ROBO2: variants seen among roughly 807,000 people sequenced by gnomAD.
ROBO2 encodes the protein roundabout homolog 2.
A neutral mutation model predicts 160.8 loss-of-function variants in ROBO2; 53 were observed. The observed-to-expected ratio is 0.33, with a 90% confidence interval of 0.26 to 0.41. ROBO2 has a LOEUF of 0.41. Ranked by LOEUF, ROBO2 falls within the 10% of genes least tolerant of loss-of-function variation. The probability of loss-of-function intolerance (pLI) is 1.00; values close to 1 mark genes in which losing one functional copy is unlikely to be tolerated. For missense variants in ROBO2, 1,577 were observed against 1,722.4 expected (o/e 0.92, Z 1.49); for synonymous variants, 664 against 611.7 (o/e 1.09, Z -1.26).
chr3:76,528,992 A>G (rs985374263), intron 2 of ROBO2, among the ~76,000 whole-genome samples: 2 of 152,142 alleles, frequency 1.3e-5, no homozygotes, highest in African/African-American at 4.8e-5. Flanking sequence ...TACAACATGA[A>G]GTTCACTGGT....
At chr3:76,934,250 A>T (rs566916846) in intron 2 of ROBO2, among the ~76,000 whole-genome samples, 1 of 152,270 alleles carries the variant, frequency 6.6e-6, no homozygotes, top group Non-Finnish European at 1.5e-5. Flanking sequence ...GGTACAAAAC[A>T]AATTTTTACA....
intron 2 of ROBO2, among the ~76,000 whole-genome samples, chr3:76,646,330 G>C (rs981451373): frequency 2.6e-5 from 4 of 152,268 alleles, no homozygotes; most frequent in African/African-American, 9.6e-5. Context: ...CGAAAAGAAG[G>C]TTACTGAGAG....
Position 75,958,877 on chromosome 3 carries a change from A to G in ROBO2, c.109+21275A>G, listed in dbSNP as rs140341032. The stretch of plus-strand genomic sequence containing the variant: ...TAACTTTGAGTTAAATGGCCTCAAC[A>G]TTTTGTGATGCTTTTCCCTCTTATA... On this transcript the variant is annotated intron_variant, in intron 2 of 26. Coordinates refer to the ROBO2 transcript ENST00000487694. Among the ~76,000 whole-genome samples the G allele has an allele frequency of 2.0e-3, 298 of 151,850 alleles. 2 individuals carry two copies. The highest frequency in any genetic ancestry group is 3.1e-3 in the Non-Finnish European group (209 of 67,810).
intron 2 of ROBO2, among the ~76,000 whole-genome samples, chr3:75,970,713 G>A (rs1270548666): frequency 6.6e-6 from 1 of 151,326 alleles, no homozygotes; most frequent in Non-Finnish European, 1.5e-5. Flanking sequence ...CAAGTTTGAA[G>A]CACACATTCT....
intron 2 of ROBO2, among the ~76,000 whole-genome samples, chr3:76,684,308 GA>G (rs2092638888): frequency 6.6e-6 from 1 of 152,054 alleles, no homozygotes; most frequent in African/African-American, 2.4e-5. Context: ...GCTGTAAGGT[GA>G]AAAAAGTGTC....
chr3:76,783,239 A>G (rs1366172897), intron 2 of ROBO2, among the ~76,000 whole-genome samples: 1 of 150,948 alleles, frequency 6.6e-6, no homozygotes, highest in Non-Finnish European at 1.5e-5. Flanking sequence ...TAATTACTGT[A>G]GCCATAACTA....
intron 2 of ROBO2, among the ~76,000 whole-genome samples, chr3:77,312,286 C>A: frequency 6.6e-6 from 1 of 152,086 alleles, no homozygotes; most frequent in East Asian, 1.9e-4. Context: ...AGACAACTTT[C>A]AAAACAACCA....
chr3:77,012,536 G>A (rs973961004), intron 2 of ROBO2, among the ~76,000 whole-genome samples: 1 of 152,178 alleles, frequency 6.6e-6, no homozygotes, highest in African/African-American at 2.4e-5. Context: ...ACTTGATGAT[G>A]AGAATATCAG....
chr3:76,141,060 CATATAT>C (rs55691222), intron 2 of ROBO2, among the ~76,000 whole-genome samples: 1 of 53,578 alleles, frequency 1.9e-5, no homozygotes, highest in Non-Finnish European at 3.5e-5. Flanking sequence ...TTTTTACATA[CATATAT>C]ATATATATAT....
intron 2 of ROBO2, among the ~76,000 whole-genome samples, chr3:76,565,473 G>A (rs887585604): frequency 3.3e-5 from 5 of 152,088 alleles, no homozygotes; most frequent in African/African-American, 7.2e-5. Context: ...GTTTTATGGC[G>A]TCAAGTTTAG....
intron 2 of ROBO2, among the ~76,000 whole-genome samples, chr3:76,454,165 T>C (rs867292146): frequency 2.6e-5 from 4 of 152,190 alleles, no homozygotes; most frequent in African/African-American, 7.2e-5. Context: ...GATCAAATCC[T>C]GGGAATCCAG....
chr3:76,761,896 T>C (rs1003865650), intron 2 of ROBO2, among the ~76,000 whole-genome samples: 2 of 151,780 alleles, frequency 1.3e-5, no homozygotes, highest in Non-Finnish European at 2.9e-5. Flanking sequence ...ATTGTATTTC[T>C]GGTACCCAGT....
chr3:77,185,882 C>A (rs1307793138), intron 2 of ROBO2, among the ~76,000 whole-genome samples: 1 of 151,742 alleles, frequency 6.6e-6, no homozygotes, highest in Non-Finnish European at 1.5e-5. Flanking sequence ...TTTGCAGCAA[C>A]CTGGATGAGA....
At chr3:77,251,238 C>T (rs187408426) in intron 2 of ROBO2, among the ~76,000 whole-genome samples, 1 of 152,278 alleles carries the variant, frequency 6.6e-6, no homozygotes, top group East Asian at 1.9e-4. Context: ...ACAGCTCTTC[C>T]ATTTTAGGGA....
intron 2 of ROBO2, among the ~76,000 whole-genome samples, chr3:77,029,145 C>T (rs2063158429): frequency 6.6e-6 from 1 of 151,902 alleles, no homozygotes; most frequent in Non-Finnish European, 1.5e-5. Context: ...TTATGAGGCC[C>T]AACATCTTTA....
chr3:76,273,966 G>T (rs1707765138), intron 2 of ROBO2, among the ~76,000 whole-genome samples: 5 of 152,110 alleles, frequency 3.3e-5, no homozygotes, highest in Admixed American at 2.6e-4. Context: ...TAGCAGAAGG[G>T]CAAAGAGAGG....
At chr3:77,282,260 C>T (rs2060291172) in intron 2 of ROBO2, among the ~76,000 whole-genome samples, 1 of 152,004 alleles carries the variant, frequency 6.6e-6, no homozygotes, top group African/African-American at 2.4e-5. Flanking sequence ...GGTTTTTCTC[C>T]TCCTTTTATG....
chr3:76,034,585 T>C (rs1476633329), intron 2 of ROBO2, among the ~76,000 whole-genome samples: 2 of 150,624 alleles, frequency 1.3e-5, no homozygotes, highest in East Asian at 3.9e-4. Context: ...AGAATGTTTT[T>C]GTGGGGGTAG....
At chr3:76,355,689 A>AAATAGAT (rs1390644345) in intron 2 of ROBO2, among the ~76,000 whole-genome samples, 7 of 151,954 alleles carry the variant, frequency 4.6e-5, no homozygotes, top group Admixed American at 3.9e-4. Flanking sequence ...AAAATTCTTA[A>AAATAGAT]AATAGATGAC....
Sources: gnomAD v4.1 joint callset for allele counts (sites outside exome capture counted in the v4.1 genomes callset) on GRCh38, gnomAD v4.1.1 for gene constraint, MANE v1.5 for transcripts, NCBI Gene and HGNC (gene_info 2026-07-23, HGNC 2026-07-21) for gene names.